Variants in TRNT1 observed in about 807,000 individuals in gnomAD.
TRNT1 encodes CCA tRNA nucleotidyltransferase 1, mitochondrial.
A neutral mutation model predicts 45.6 loss-of-function variants in TRNT1; 44 were observed. The ratio of observed to expected loss-of-function variants is 0.97; its 90% CI spans 0.76 to 1.24. The LOEUF (loss-of-function observed/expected upper bound fraction) is 1.24, where lower values mean the gene tolerates loss of function less well. TRNT1 is among the 50% of genes most tolerant of loss of function. TRNT1 has a pLI of 0.00. For missense variants in TRNT1, 633 were observed against 504.4 expected (o/e 1.25, Z -2.44); for synonymous variants, 201 against 171.4 (o/e 1.17, Z -1.35).
Position 3,147,684 on chromosome 3 carries a change from A to G in TRNT1, c.1037A>G (p.Tyr346Cys), listed in dbSNP as rs1706137443. Residue 346 changes from tyrosine to cysteine, a missense_variant, in exon 7 of 8, where the codon TAT becomes TGT. By Grantham distance (194) the Tyr-to-Cys change is radical (BLOSUM62 -2). Coordinates refer to ENST00000251607, the MANE Select transcript of TRNT1 (RefSeq NM_182916.3). ...GATAGTTCAGACCCATTGAAACCCT[A>G]TCAAGACTTCATTATAGATGTAAGT... ...ATDSSDPLKP[Y>C]QDFIIDSREP... The G allele has an allele frequency of 1.2e-6, 2 of 1,612,392 alleles. No individual in the cohort carries two copies. Among genetic ancestry groups the G allele is most frequent in the Non-Finnish European group, 1.7e-6 (2 of 1,179,138 alleles).
intron 3 of TRNT1, among the ~76,000 whole-genome samples, chr3:3,139,002 TC>T (rs1408782459): frequency 2.0e-5 from 3 of 152,164 alleles, no homozygotes; most frequent in Non-Finnish European, 4.4e-5. Flanking sequence ...AGAAGAATAC[TC>T]CAGTATTATG....
downstream of TRNT1, chr3:3,149,810 T>TTACTACA (rs781216066): frequency 1.2e-4 from 18 of 152,258 alleles, no homozygotes; most frequent in South Asian, 8.3e-4. Flanking sequence ...CCTCATACTA[T>TTACTACA]TACTACATTT....
At chr3:3,146,098 A>G (rs934001083) in intron 5 of TRNT1, among the ~76,000 whole-genome samples, 24 of 150,428 alleles carry the variant, frequency 1.6e-4, no homozygotes, top group Middle Eastern at 3.4e-3. Context: ...TTCATCTAGT[A>G]TAAGTGCCAA....
chr3:3,149,433 T>C (rs1706317730), downstream of TRNT1: 1 of 148,636 alleles, frequency 6.7e-6, no homozygotes, highest in Non-Finnish European at 1.5e-5. Context: ...TGTGTGTTTT[T>C]ACAGATCAGA....
intron 1 of TRNT1, 41 bp from the exon 2 acceptor site, chr3:3,128,973 A>C (rs1704803566): frequency 2.1e-6 from 3 of 1,417,148 alleles, no homozygotes; most frequent in Non-Finnish European, 2.9e-6. Context: ...ACTTACCTTC[A>C]CTTTTAATTT....
intron 5 of TRNT1, chr3:3,145,019 G>A (rs1234609787): frequency 5.4e-6 from 1 of 184,684 alleles, no homozygotes; most frequent in African/African-American, 2.4e-5. Context: ...ACAGATGTTT[G>A]AATGCTTACC....
At chr3:3,150,532 T>TA (rs1029189578), downstream of TRNT1, 10 of 203,500 alleles carry the variant, frequency 4.9e-5, no homozygotes, top group East Asian at 1.1e-3. Flanking sequence ...TTTTTTTTTT[T>TA]AACACAGGAA....
chr3:3,146,739 T>C, intron 6 of TRNT1, 116 bp downstream of exon 6: 1 of 1,014,912 alleles, frequency 9.9e-7, no homozygotes, highest in South Asian at 1.7e-5. Context: ...AAATGGAGTA[T>C]TTTAAAATAA....
rs1050894893 is a variant in TRNT1, at chr3:3,147,979, A to T, written c.1130A>T (p.Glu377Val). ...KYQGEHCLLKEMQQWSIPPFP... is the reference protein window; with the variant it reads ...KYQGEHCLLKVMQQWSIPPFP... ...CAAGGAGAGCACTGTCTCCTAAAGG[A>T]AATGCAGCAGTGGTCCATTCCTCCA... The change falls in exon 8 of 8, where the codon GAA (glutamate) becomes GTA (valine). Residue 377 changes from glutamate (E) to valine (V), a missense_variant. By Grantham distance (121) the Glu-to-Val change is moderately radical. Transcript: ENST00000251607. 1.2e-6 allele frequency: 2 copies of T among 1,613,940 alleles called. No homozygotes were observed. The highest frequency in any genetic ancestry group is 2.7e-5 in the African/African-American group (2 of 74,924).
downstream of TRNT1, chr3:3,150,044 G>T (rs1380297621): frequency 6.6e-6 from 1 of 152,110 alleles, no homozygotes; most frequent in East Asian, 1.9e-4. Flanking sequence ...CTTACTTACA[G>T]ATTTTCTTCA....
intron 2 of TRNT1, among the ~76,000 whole-genome samples, chr3:3,134,658 A>G (rs1417573409): frequency 2.0e-5 from 3 of 152,158 alleles, no homozygotes; most frequent in African/African-American, 7.2e-5. Context: ...CAGAACAGCT[A>G]CTTGATACCG....
At chr3:3,152,369 T>C (rs1706626609), downstream of TRNT1, 2 of 1,355,190 alleles carry the variant, frequency 1.5e-6, no homozygotes, top group East Asian at 4.6e-5. Context: ...TTATAAAGAT[T>C]GTGGCAACTC....
chr3:3,149,072 A>AATTTATTT (rs201800704), downstream of TRNT1: 2 of 152,056 alleles, frequency 1.3e-5, no homozygotes, highest in African/African-American at 4.8e-5. Flanking sequence ...GACATTTCAT[A>AATTTATTT]ATTTATTTCC....
At chr3:3,142,877 T>G (rs71311736) in intron 4 of TRNT1, among the ~76,000 whole-genome samples, 1 of 152,276 alleles carries the variant, frequency 6.6e-6, no homozygotes. Flanking sequence ...TTCTTTTATG[T>G]CTTTTTGAAT....
Position 3,137,423 on chromosome 3 carries a change from A to AG in TRNT1, c.314dup (p.Glu106ArgfsTer12). 6.2e-7 allele frequency: 1 copy of AG among 1,613,238 alleles called. No individual in the cohort carries two copies. Among genetic ancestry groups the AG allele is most frequent in the Non-Finnish European group, 8.5e-7 (1 of 1,179,658 alleles). On this transcript the variant is annotated frameshift_variant, in exon 3 of 8. Coordinates refer to ENST00000251607, the MANE Select transcript of TRNT1 (RefSeq NM_182916.3). LOFTEE classifies it high-confidence loss of function. ...CTGGGATTCGGATGATAAACAACAG[A>AG]GGAGAAAAGCACGGAACAATTACTG...
At chr3:3,129,342 C>G in intron 2 of TRNT1, 154 bp downstream of exon 2, 2 of 688,098 alleles carry the variant, frequency 2.9e-6, no homozygotes, top group East Asian at 2.9e-5. Context: ...GTTGCCCAGG[C>G]TGGTCTCAAA....
At chr3:3,150,045 A>G (rs1413129405), downstream of TRNT1, 2 of 152,114 alleles carry the variant, frequency 1.3e-5, no homozygotes, top group Non-Finnish European at 2.9e-5. Flanking sequence ...TTACTTACAG[A>G]TTTTCTTCAA....
At chr3:3,150,855 T>C (rs1424408123), downstream of TRNT1, 1 of 1,611,994 alleles carries the variant, frequency 6.2e-7, no homozygotes, top group Non-Finnish European at 8.5e-7. Flanking sequence ...TTTATCTCTA[T>C]CACATCTGTT....
At chr3:3,130,840 G>C (rs1704974970) in intron 2 of TRNT1, among the ~76,000 whole-genome samples, 1 of 152,120 alleles carries the variant, frequency 6.6e-6, no homozygotes, top group Middle Eastern at 3.2e-3. Flanking sequence ...CAGCACTTTT[G>C]AGTGGCTGAG....
Sources: allele counts gnomAD v4.1 joint callset (sites outside exome capture counted in the v4.1 genomes callset), GRCh38; gene constraint gnomAD v4.1.1; transcripts MANE v1.5; gene names NCBI Gene and HGNC (gene_info 2026-07-23, HGNC 2026-07-21).